Variants in DENND2C observed in about 807,000 individuals in gnomAD.
DENND2C encodes the protein DENN domain containing 2C.
DENND2C carries 72 observed loss-of-function variants against 112.4 expected under a neutral mutation model. The ratio of observed to expected loss-of-function variants is 0.64; its 90% confidence interval spans 0.53 to 0.78. DENND2C has a LOEUF of 0.78. DENND2C is among the 30% of genes least tolerant of loss of function. The pLI, the probability that DENND2C is intolerant of heterozygous loss-of-function variation, is 0.00. For missense variants in DENND2C, 992 were observed against 1,113.8 expected (o/e 0.89, Z 1.56); for synonymous variants, 329 against 381.6 (o/e 0.86, Z 1.61).
At chr1:114,651,193 T>C (rs1410833318) in intron 2 of DENND2C, among the ~76,000 whole-genome samples, 1 of 151,694 alleles carries the variant, frequency 6.6e-6, no homozygotes, top group Non-Finnish European at 1.5e-5. Context: ...AACCCAGCAC[T>C]TTGGGAGGCC....
chr1:114,606,473 G>C (rs764584846), intron 10 of DENND2C, among the ~76,000 whole-genome samples: 13 of 152,100 alleles, frequency 8.5e-5, no homozygotes, highest in African/African-American at 1.2e-4. Flanking sequence ...CAGTCCTAAA[G>C]TGGCCAAGCA....
intron 1 of DENND2C, among the ~76,000 whole-genome samples, chr1:114,665,755 A>G (rs955049819): frequency 4.6e-5 from 7 of 152,246 alleles, no homozygotes; most frequent in African/African-American, 1.7e-4. Context: ...GCTTTATAAT[A>G]ATAATTTGTT....
rs983134895 is a variant in DENND2C at position 114,595,674 on chromosome 1, A to G, written c.2325+158T>C. 13 of 637,996 alleles carry G rather than the reference A, an allele frequency of 2.0e-5. No individual in the cohort carries two copies. The Middle Eastern group carries it at 1.1e-3, about 54-fold the overall frequency. The allele number at this position is 637,996 out of a possible 1,614,324, so 39.5% of individuals were successfully genotyped here. ...AACTGAAGCCAAATTTTTCAGGTCAATCTTGCATGATTGGCCATGGTGTCA... is the reference window on the plus strand; with the variant it reads ...AACTGAAGCCAAATTTTTCAGGTCAGTCTTGCATGATTGGCCATGGTGTCA... On this transcript the variant is annotated intron_variant, in intron 17 of 20. Coordinates refer to ENST00000393274, the MANE Select transcript of DENND2C (RefSeq NM_001256404.2).
intron 3 of DENND2C, among the ~76,000 whole-genome samples, chr1:114,645,104 C>T (rs766268992): frequency 1.3e-5 from 2 of 152,070 alleles, no homozygotes; most frequent in Admixed American, 6.6e-5. Context: ...TGTGATTAAA[C>T]GTGGTTTTTT....
At chr1:114,630,457 A>C (rs991690219) in intron 3 of DENND2C, among the ~76,000 whole-genome samples, 1 of 152,190 alleles carries the variant, frequency 6.6e-6, no homozygotes, top group African/African-American at 2.4e-5. Flanking sequence ...GCTTTCAGAT[A>C]CTGGATAACA....
chr1:114,612,711 G>A (rs1470638803), intron 8 of DENND2C, among the ~76,000 whole-genome samples: 2 of 152,054 alleles, frequency 1.3e-5, no homozygotes, highest in African/African-American at 4.8e-5. Context: ...GTAGAGACAG[G>A]GTTTCACCGT....
chr1:114,657,584 G>A (rs1657369731), intron 1 of DENND2C, among the ~76,000 whole-genome samples: 1 of 152,178 alleles, frequency 6.6e-6, no homozygotes, highest in African/African-American at 2.4e-5. Context: ...TTGTCAAAAG[G>A]TCAAGTAAGA....
intron 3 of DENND2C, among the ~76,000 whole-genome samples, chr1:114,631,413 G>A (rs1462342236): frequency 3.3e-5 from 5 of 151,868 alleles, no homozygotes; most frequent in Non-Finnish European, 5.9e-5. Context: ...TAAAATGTCC[G>A]TCATCTAATC....
chr1:114,610,774 C>T (rs966191618), intron 9 of DENND2C, among the ~76,000 whole-genome samples: 1 of 151,952 alleles, frequency 6.6e-6, no homozygotes, highest in Non-Finnish European at 1.5e-5. Flanking sequence ...TGCCAGGAAA[C>T]TACTGCATAT....
At chr1:114,649,854 GA>G (rs1317487435) in intron 2 of DENND2C, among the ~76,000 whole-genome samples, 1 of 152,140 alleles carries the variant, frequency 6.6e-6, no homozygotes, top group African/African-American at 2.4e-5. Flanking sequence ...CTACTTTTCA[GA>G]AATTTTGAAA....
chr1:114,662,567 T>C lies in DENND2C; in HGVS notation c.-574+7416A>G, dbSNP rs574131886. 3.3e-5 allele frequency among the ~76,000 whole-genome samples: 5 copies of C among 152,008 alleles called. No homozygotes were observed. The East Asian group carries it at 5.8e-4, about 18-fold the overall frequency. ...CAGCACAACCTTCAAATAATATAAA[T>C]GGATTAATATTGCCAGAACTAAATG... On this transcript the variant is annotated intron_variant, in intron 1 of 20. Transcript: ENST00000393274.
chr1:114,587,732 C>T lies in DENND2C; in HGVS notation c.2652G>A (p.Arg884=), dbSNP rs61000990. The T allele has an allele frequency of 0.05, 79,838 of 1,608,494 alleles. 2,207 individuals are homozygous for T. The highest frequency in any genetic ancestry group is 0.086 in the South Asian group (7,737 of 90,326). The change falls in exon 19 of 21, where the codon CGG becomes CGA. Residue 884 remains arginine, a synonymous_variant. Coordinates refer to ENST00000393274, the MANE Select transcript of DENND2C (RefSeq NM_001256404.2). ...FAGFIQDREL[R]KSGVKGLFEI... ...GAAACTGACCTTTAACTCCACTTTT[C>T]CGAAGCTCTCGGTCCTGGATGAATC... is the stretch of plus-strand genomic sequence containing the variant.
intron 3 of DENND2C, among the ~76,000 whole-genome samples, chr1:114,639,415 C>T (rs2101679683): frequency 6.6e-6 from 1 of 151,998 alleles, no homozygotes; most frequent in East Asian, 1.9e-4. Context: ...CCCACCTCTA[C>T]TAAAAATACA....
At chr1:114,617,831 T>C (rs1270394533) in intron 8 of DENND2C, among the ~76,000 whole-genome samples, 2 of 152,226 alleles carry the variant, frequency 1.3e-5, no homozygotes, top group African/African-American at 2.4e-5. Flanking sequence ...AATTTGTCTA[T>C]GAAATTTAGT....
intron 1 of DENND2C, among the ~76,000 whole-genome samples, chr1:114,656,384 A>G (rs1162671500): frequency 7.0e-6 from 1 of 142,424 alleles, no homozygotes; most frequent in Non-Finnish European, 1.5e-5. Flanking sequence ...TGTTATAAAC[A>G]TTCTTTTTCT....
At chr1:114,624,165 G>C (rs1310140001) in intron 4 of DENND2C, among the ~76,000 whole-genome samples, 1 of 152,200 alleles carries the variant, frequency 6.6e-6, no homozygotes, top group African/African-American at 2.4e-5. Context: ...GATGCTTGTA[G>C]CCAATCACAT....
At chr1:114,664,664 G>A (rs1657598055) in intron 1 of DENND2C, among the ~76,000 whole-genome samples, 1 of 151,646 alleles carries the variant, frequency 6.6e-6, no homozygotes, top group African/African-American at 2.4e-5. Flanking sequence ...GTTTTTAGTA[G>A]AGATGGGGTT....
chr1:114,601,891 A>G (rs531350348), intron 12 of DENND2C, among the ~76,000 whole-genome samples: 1 of 152,328 alleles, frequency 6.6e-6, no homozygotes, highest in Non-Finnish European at 1.5e-5. Flanking sequence ...CCACTATGTC[A>G]TCAGTTACTT....
chr1:114,611,510 A>C (rs991424340), intron 8 of DENND2C, among the ~76,000 whole-genome samples: 15 of 152,198 alleles, frequency 9.9e-5, no homozygotes, highest in African/African-American at 3.6e-4. Flanking sequence ...CAAGAATCTA[A>C]ACACCAACCA....
Sources: gnomAD v4.1 joint callset for allele counts (sites outside exome capture counted in the v4.1 genomes callset) on GRCh38, gnomAD v4.1.1 for gene constraint, MANE v1.5 for transcripts, NCBI Gene and HGNC (gene_info 2026-07-23, HGNC 2026-07-21) for gene names.